Variants in HIP1 observed in about 807,000 individuals in gnomAD.
The protein encoded by HIP1 is huntingtin-interacting protein 1.
A neutral mutation model predicts 147.6 loss-of-function variants in HIP1; 65 were observed. The ratio of observed to expected loss-of-function variants is 0.44; its 90% confidence interval spans 0.36 to 0.54. The LOEUF is 0.54. HIP1 is among the 20% of genes least tolerant of loss of function. The pLI is 0.00. For missense variants in HIP1, 1,061 were observed against 1,299.6 expected, an observed-to-expected ratio of 0.82 and a Z score of 2.82; for synonymous variants, 479 against 504.0, an observed-to-expected ratio of 0.95 and a Z score of 0.67.
At chr7:75,678,501 AC>A (rs1158288376) in intron 1 of HIP1, among the ~76,000 whole-genome samples, 1 of 151,884 alleles carries the variant, frequency 6.6e-6, no homozygotes, top group South Asian at 2.1e-4. Context: ...CCGCCACCAC[AC>A]CCGGCTAATT....
rs184542999 is a variant in HIP1 at position 75,706,313 on chromosome 7, T to C, written c.120+32488A>G. Among the ~76,000 whole-genome samples the C allele has an allele frequency of 2.7e-3, 404 of 152,192 alleles. 1 individual carries two copies. Among genetic ancestry groups the C allele is most frequent in the African/African-American group, 5.8e-3 (243 of 41,554 alleles). The stretch of plus-strand genomic sequence containing the variant: ...TCCACATCCTCACCAGTACTTGTTA[T>C]TTTCTGGGGTTTTATTTATTGTTTG... On this transcript the variant is annotated intron_variant, in intron 1 of 30. Coordinates refer to ENST00000336926, the MANE Select transcript of HIP1 (RefSeq NM_005338.7).
chr7:75,663,761 AAGGGAGTGGGAGGGG>A (rs1799388493), intron 1 of HIP1, among the ~76,000 whole-genome samples: 1 of 150,464 alleles, frequency 6.6e-6, no homozygotes, highest in African/African-American at 2.4e-5. Context: ...ACGGGAATGG[AAGGGAGTGGGAGGGG>A]AGTGGAGTAG....
chr7:75,556,048 T>C lies in HIP1; in HGVS notation c.1805A>G (p.Gln602Arg). The C allele has an allele frequency of 1.2e-6, 2 of 1,614,190 alleles. No homozygotes were observed. The highest frequency in any genetic ancestry group is 1.7e-6 in the Non-Finnish European group (2 of 1,180,024). ...SALRKELQDT[Q>R]LKLASTEESM... The stretch of plus-strand genomic sequence containing the variant: ...TGCCTCTGTGCTGGCCAGTTTGAGC[T>C]GAGTGTCCTGCAGTTCTTTCCGAAG... The change falls in exon 18 of 31, where the codon CAG (glutamine) becomes CGG (arginine). Residue 602 changes from glutamine to arginine, a missense_variant. Gln to Arg is a conservative substitution (Grantham distance 43). Transcript: ENST00000336926.
chr7:75,650,487 C>G (rs1177923008), intron 1 of HIP1, among the ~76,000 whole-genome samples: 1 of 135,544 alleles, frequency 7.4e-6, no homozygotes, highest in Non-Finnish European at 1.6e-5. Context: ...GAGTCTCCCT[C>G]TGTCACCCAG....
intron 1 of HIP1, among the ~76,000 whole-genome samples, chr7:75,721,038 CAAA>C (rs782224120): frequency 1.8e-4 from 13 of 70,880 alleles, no homozygotes; most frequent in Admixed American, 1.3e-3. Flanking sequence ...AACTCCATCT[CAAA>C]AAAAAAAAAA....
intron 1 of HIP1, among the ~76,000 whole-genome samples, chr7:75,640,447 C>T (rs1305291082): frequency 6.6e-6 from 1 of 152,194 alleles, no homozygotes; most frequent in East Asian, 1.9e-4. Context: ...AACAGGTGGG[C>T]CTGGCTCCCG....
At chr7:75,729,705 G>A (rs1424925153) in intron 1 of HIP1, among the ~76,000 whole-genome samples, 4 of 152,102 alleles carry the variant, frequency 2.6e-5, no homozygotes, top group African/African-American at 7.2e-5. Context: ...AGAATAGCTT[G>A]AACCCAGGAG....
At chr7:75,560,235 C>A (rs1795176608) in intron 13 of HIP1, among the ~76,000 whole-genome samples, 3 of 151,764 alleles carry the variant, frequency 2.0e-5, no homozygotes, top group South Asian at 4.2e-4. Flanking sequence ...ACAGCTGTCT[C>A]TTCTCTTTTT....
chr7:75,688,580 C>G (rs544706387), intron 1 of HIP1, among the ~76,000 whole-genome samples: 125 of 152,188 alleles, frequency 8.2e-4, no homozygotes, highest in African/African-American at 2.8e-3. Flanking sequence ...TCAGGCCCCC[C>G]ACGCACACCC....
intron 1 of HIP1, among the ~76,000 whole-genome samples, chr7:75,636,064 A>G (rs1419423814): frequency 6.9e-6 from 1 of 144,390 alleles, no homozygotes; most frequent in African/African-American, 2.6e-5. Flanking sequence ...TGCAGAGGCC[A>G]GGTGTGGTGG....
At chr7:75,732,482 T>C (rs1412481647) in intron 1 of HIP1, among the ~76,000 whole-genome samples, 3 of 152,150 alleles carry the variant, frequency 2.0e-5, no homozygotes, top group African/African-American at 7.2e-5. Flanking sequence ...ACAATCGTCC[T>C]GTCTCTGCCT....
At chr7:75,603,609 A>AG (rs1797097659) in intron 1 of HIP1, among the ~76,000 whole-genome samples, 1 of 152,132 alleles carries the variant, frequency 6.6e-6, no homozygotes, top group Admixed American at 6.6e-5. Flanking sequence ...GCAGTCAGGA[A>AG]GGAATCTCTG....
intron 8 of HIP1, among the ~76,000 whole-genome samples, chr7:75,571,804 C>T (rs1439509955): frequency 6.6e-6 from 1 of 152,022 alleles, no homozygotes; most frequent in Non-Finnish European, 1.5e-5. Flanking sequence ...GGCTGGTCTC[C>T]AACCCCTGAG....
intron 1 of HIP1, among the ~76,000 whole-genome samples, chr7:75,676,222 T>C (rs139397891): frequency 5.9e-5 from 9 of 152,296 alleles, no homozygotes; most frequent in African/African-American, 2.2e-4. Flanking sequence ...ACTTAGTGGT[T>C]AGCTAATGAT....
In HIP1 at chr7:75,600,159, A is replaced by G. The variant is rs899955230; in HGVS notation, c.121-912T>C. 5.1e-4 allele frequency among the ~76,000 whole-genome samples: 73 copies of G among 144,092 alleles called. 1 individual carries two copies. The highest frequency in any genetic ancestry group is 1.7e-3 in the African/African-American group (67 of 38,372). The allele number at this position is 144,092 out of a possible 152,430, so 94.5% of individuals were successfully genotyped here. ...GGAGTCTTACTCTGTCGCCCAGGCT[A>G]GAGTGCAGTGGTGTGATCGTGGCTC... On this transcript the variant is annotated intron_variant, in intron 1 of 30. Transcript: ENST00000336926.
chr7:75,721,771 G>T (rs74710932), intron 1 of HIP1, among the ~76,000 whole-genome samples: 38 of 152,158 alleles, frequency 2.5e-4, no homozygotes, highest in African/African-American at 6.7e-4. Flanking sequence ...CAGTTCTTCT[G>T]GGGGGGCAAA....
intron 1 of HIP1, among the ~76,000 whole-genome samples, chr7:75,708,072 A>T (rs1438835985): frequency 1.3e-5 from 2 of 150,814 alleles, no homozygotes; most frequent in African/African-American, 4.9e-5. Context: ...ACCAAAAGCA[A>T]TGGCAACAAA....
intron 5 of HIP1, among the ~76,000 whole-genome samples, chr7:75,582,539 G>A (rs1261546141): frequency 2.6e-5 from 4 of 152,120 alleles, no homozygotes; most frequent in African/African-American, 7.2e-5. Context: ...GGCCAGGTGC[G>A]GTGGCTCACA....
chr7:75,715,777 A>AAAAAAAAAAAAAAC (rs1801299015), intron 1 of HIP1, among the ~76,000 whole-genome samples: 1 of 147,612 alleles, frequency 6.8e-6, no homozygotes. Context: ...CCTGTCTCAA[A>AAAAAAAAAAAAAAC]AAAAAAAAAA....
Sources: gnomAD v4.1 joint callset for allele counts (sites outside exome capture counted in the v4.1 genomes callset) on GRCh38, gnomAD v4.1.1 for gene constraint, MANE v1.5 for transcripts, NCBI Gene and HGNC (gene_info 2026-07-23, HGNC 2026-07-21) for gene names.